The following AKAP9 variants were observed in gnomAD, a reference collection of about 807,000 sequenced individuals.
AKAP9 encodes A-kinase anchoring protein 9, also known as A-kinase anchor protein 9.
In AKAP9, 311 loss-of-function variants were observed where a neutral mutation model predicts 488.5. The ratio of observed to expected loss-of-function variants is 0.64; its 90% CI spans 0.58 to 0.70. The LOEUF is 0.70. AKAP9 is among the 30% of genes least tolerant of loss of function. The pLI is 0.00. For missense variants in AKAP9, 4,215 were observed against 4,374.5 expected, an observed-to-expected ratio of 0.96 and a Z score of 1.03; for synonymous variants, 1,462 against 1,483.5, an observed-to-expected ratio of 0.99 and a Z score of 0.33.
chr7:92,099,629 T>C (rs1817192310), intron 43 of AKAP9, 58 bp from the exon 44 acceptor site: 2 of 1,530,664 alleles, frequency 1.3e-6, no homozygotes, highest in Admixed American at 1.7e-5. Flanking sequence ...TCACACTTTA[T>C]ATGCATTATT....
intron 7 of AKAP9, 75 bp from the exon 8 acceptor site, chr7:92,000,773 G>T (rs1799054340): frequency 5.3e-6 from 4 of 749,522 alleles, no homozygotes; most frequent in African/African-American, 1.8e-5. Context: ...TCAGTCTTTT[G>T]GTAATGAGAT....
chr7:92,077,992 A>G, intron 30 of AKAP9, 117 bp downstream of exon 30: 1 of 671,330 alleles, frequency 1.5e-6, no homozygotes, highest in Non-Finnish European at 2.2e-6. Context: ...ATTTTATTTT[A>G]TTTTATTTTA....
intron 12 of AKAP9, among the ~76,000 whole-genome samples, chr7:92,020,555 C>T (rs1326045808): frequency 6.6e-6 from 1 of 152,182 alleles, no homozygotes; most frequent in Non-Finnish European, 1.5e-5. Flanking sequence ...GTTCCTGTAG[C>T]TCCTTATACA....
intron 3 of AKAP9, among the ~76,000 whole-genome samples, chr7:91,990,184 G>A (rs893860143): frequency 6.6e-6 from 1 of 152,024 alleles, no homozygotes; most frequent in Non-Finnish European, 1.5e-5. Context: ...GCTTTTTTCA[G>A]TTGAAGGAGT....
intron 23 of AKAP9, among the ~76,000 whole-genome samples, chr7:92,061,645 T>G (rs1383073318): frequency 1.6e-5 from 2 of 125,182 alleles, no homozygotes; most frequent in Non-Finnish European, 3.3e-5. Context: ...ATTTATAGAG[T>G]TACAGAAAAT....
At position 92,076,251 on chromosome 7, in the gene AKAP9, T is replaced by C. The variant is rs1056989585; in HGVS notation, c.6613-604T>C. Reference sequence around the variant, plus strand: ...TCCTCAAAATGATTAAATAAATTTCTGTTGTCCTACCTATAGGAGCTCTCT... The same window carrying C: ...TCCTCAAAATGATTAAATAAATTTCCGTTGTCCTACCTATAGGAGCTCTCT... On this transcript the variant is annotated intron_variant, in intron 28 of 49. Coordinates refer to ENST00000356239, the MANE Select transcript of AKAP9 (RefSeq NM_005751.5). Among the ~76,000 whole-genome samples the C allele has an allele frequency of 2.6e-5, 4 of 152,254 alleles. 1 individual carries two copies. The highest frequency in any genetic ancestry group is 5.9e-5 in the Non-Finnish European group (4 of 68,042).
chr7:91,953,176 A>G (rs899963379), intron 1 of AKAP9, among the ~76,000 whole-genome samples: 1 of 152,230 alleles, frequency 6.6e-6, no homozygotes, highest in Non-Finnish European at 1.5e-5. Context: ...TAAAATCAGC[A>G]GAACTTGGTG....
chr7:92,101,269 T>C (rs747732963), intron 45 of AKAP9, among the ~76,000 whole-genome samples: 11 of 152,108 alleles, frequency 7.2e-5, no homozygotes, highest in Non-Finnish European at 1.3e-4. Flanking sequence ...ACCCCGTCTC[T>C]ACTAAAAATA....
At chr7:91,999,481 TATC>T (rs1431379003) in intron 7 of AKAP9, among the ~76,000 whole-genome samples, 1 of 152,234 alleles carries the variant, frequency 6.6e-6, no homozygotes, top group Non-Finnish European at 1.5e-5. Flanking sequence ...GAGAAATCAT[TATC>T]ACAGAGACCT....
chr7:92,105,839 C>T (rs1389154501), intron 47 of AKAP9, 76 bp downstream of exon 47: 66 of 1,314,302 alleles, frequency 5.0e-5, no homozygotes, highest in Non-Finnish European at 6.9e-5. Flanking sequence ...GACTATGGAC[C>T]ATACTTGTCT....
At chr7:91,992,668 A>AC (rs1454227064) in intron 4 of AKAP9, among the ~76,000 whole-genome samples, 2 of 136,264 alleles carry the variant, frequency 1.5e-5, no homozygotes, top group African/African-American at 5.6e-5. Context: ...TGTCAAAAAA[A>AC]AAAAAAAAAA....
intron 20 of AKAP9, 142 bp from the exon 21 acceptor site, chr7:92,044,866 A>G: frequency 1.6e-6 from 1 of 609,852 alleles, no homozygotes; most frequent in Non-Finnish European, 2.8e-6. Context: ...TTTATTGTAG[A>G]TGCTATTGGG....
Position 92,002,590 on chromosome 7 carries a change from T to C in AKAP9, c.2673T>C (p.Ser891=), listed in dbSNP as rs200821358. 9 of 1,610,148 alleles carry C rather than the reference T, an allele frequency of 5.6e-6. No individual in the cohort carries two copies. The Admixed American group carries it at 1.5e-4, about 27-fold the overall frequency. ...ATAAACAGGAATTAGAGTATAAAAG[T>C]AAACTTAAAGCACTTAATGAAGAGC... ...SKNKQELEYK[S]KLKALNEELH... Residue 891 remains serine, a synonymous_variant, in exon 8 of 50, where the codon AGT becomes AGC. Transcript: ENST00000356239.
intron 1 of AKAP9, among the ~76,000 whole-genome samples, chr7:91,967,427 A>T (rs1196755124): frequency 2.0e-5 from 3 of 152,124 alleles, no homozygotes; most frequent in Non-Finnish European, 4.4e-5. Context: ...TCAGTGTGAT[A>T]TTAGCTGTGG....
At chr7:92,065,788 G>A (rs190456738) in intron 25 of AKAP9, among the ~76,000 whole-genome samples, 2 of 152,198 alleles carry the variant, frequency 1.3e-5, no homozygotes, top group Admixed American at 1.3e-4. Flanking sequence ...ACTAAGATAG[G>A]CAAAGAGATA....
intron 5 of AKAP9, among the ~76,000 whole-genome samples, chr7:91,993,731 ATAGC>A (rs1220154974): frequency 5.3e-5 from 8 of 152,228 alleles, no homozygotes; most frequent in Non-Finnish European, 1.2e-4. Context: ...TAACTTTATG[ATAGC>A]TAGCCTGAAA....
intron 20 of AKAP9, among the ~76,000 whole-genome samples, chr7:92,044,639 C>T (rs1290762712): frequency 6.6e-6 from 1 of 152,130 alleles, no homozygotes. Flanking sequence ...CAATAACTTG[C>T]ATATGCTTTG....
In AKAP9 at chr7:92,002,582, T is replaced by G; in HGVS notation, c.2665T>G (p.Tyr889Asp). ...EDSKNKQELE[Y>D]KSKLKALNEE... is the part of the protein sequence containing the mutation. ...CAGTAAAAATAAACAGGAATTAGAG[T>G]ATAAAAGTAAACTTAAAGCACTTAA... The change falls in exon 8 of 50, where the codon TAT (tyrosine) becomes GAT (aspartate). Residue 889 changes from tyrosine (Y) to aspartate (D), a missense_variant. By Grantham distance (160) the Tyr-to-Asp change is radical. Around this residue, in one of 5 missense-constraint regions of AKAP9, gnomAD observed 2,361 missense variants for 2,430.0 expected, o/e 0.97. Transcript: ENST00000356239. 3.1e-6 allele frequency: 5 copies of G among 1,609,856 alleles called. No individual in the cohort carries two copies. The highest frequency in any genetic ancestry group is 4.2e-6 in the Non-Finnish European group (5 of 1,178,288).
chr7:92,074,001 A>G (rs1384489094), intron 28 of AKAP9, among the ~76,000 whole-genome samples: 1 of 152,242 alleles, frequency 6.6e-6, no homozygotes, highest in Admixed American at 6.5e-5. Flanking sequence ...AATGGCAACA[A>G]AAGCCAAAAT....
Sources: gnomAD v4.1 joint callset for allele counts (sites outside exome capture counted in the v4.1 genomes callset) on GRCh38, gnomAD v4.1.1 for gene constraint, gnomAD v4.1.1 regional missense constraint, MANE v1.5 for transcripts, NCBI Gene and HGNC (gene_info 2026-07-23, HGNC 2026-07-21) for gene names.